The following TTBK1 variants were observed in gnomAD, a reference collection of about 807,000 sequenced individuals.
TTBK1 encodes tau-tubulin kinase 1.
Under a neutral mutation model 108.5 loss-of-function variants are expected in TTBK1, and 34 were observed. The observed-to-expected ratio is 0.31, with a 90% CI of 0.24 to 0.42. TTBK1 has a LOEUF of 0.42. Among genes scored for constraint, TTBK1 ranks in the 10% least tolerant of loss-of-function variants. TTBK1 has a pLI of 1.00. For synonymous variants in TTBK1, 809 were observed against 795.1 expected, an observed-to-expected ratio of 1.02 and a Z score of -0.29; for missense variants, 1,539 against 1,826.0, an observed-to-expected ratio of 0.84 and a Z score of 2.86.
At chr6:43,247,127 G>T (rs1777112588) in intron 2 of TTBK1, among the ~76,000 whole-genome samples, 1 of 151,778 alleles carries the variant, frequency 6.6e-6, no homozygotes, top group African/African-American at 2.4e-5. Flanking sequence ...CTTGGAGAAG[G>T]GCAGTGGACG....
At chr6:43,284,948 C>T (rs749711519) in intron 14 of TTBK1, 35 bp from the exon 15 acceptor site, 6 of 1,497,916 alleles carry the variant, frequency 4.0e-6, no homozygotes, top group Non-Finnish European at 5.3e-6. Flanking sequence ...GTTTCTTTGC[C>T]CTCTTCTTTT....
intron 2 of TTBK1, among the ~76,000 whole-genome samples, chr6:43,250,700 A>G (rs953839752): frequency 6.6e-6 from 1 of 152,128 alleles, no homozygotes; most frequent in African/African-American, 2.4e-5. Context: ...GGGGCAAGGT[A>G]TTGCATTTCC....
Position 43,269,009 on chromosome 6 carries a change from G to T in TTBK1, c.1986+5659G>T, listed in dbSNP as rs1285535990. Among the ~76,000 whole-genome samples the T allele has an allele frequency of 1.3e-5, 2 of 152,222 alleles. No individual in the cohort carries two copies. Among genetic ancestry groups the T allele is most frequent in the African/African-American group, 4.8e-5 (2 of 41,456 alleles). ...CCATTATGACCCCCATTTTACAGAG[G>T]AGGAAGCTGAGGCTCAGAGAGGTGC... On this transcript the variant is annotated intron_variant, in intron 13 of 14. Coordinates refer to ENST00000259750, the MANE Select transcript of TTBK1 (RefSeq NM_032538.3). The surrounding 1 kb of genome is among the most constrained non-coding windows in gnomAD (Gnocchi z 4.8).
Position 43,269,136 on chromosome 6 carries a change from G to A in TTBK1, c.1986+5786G>A, listed in dbSNP as rs957142175. 1.3e-5 allele frequency among the ~76,000 whole-genome samples: 2 copies of A among 152,220 alleles called. No homozygotes were observed. The highest frequency in any genetic ancestry group is 2.9e-5 in the Non-Finnish European group (2 of 68,038). On this transcript the variant is annotated intron_variant, in intron 13 of 14. Coordinates refer to ENST00000259750, the MANE Select transcript of TTBK1 (RefSeq NM_032538.3). The surrounding 1 kb of genome is among the most constrained non-coding windows in gnomAD (Gnocchi z 4.8). ...CCACCTTATGCCGCATGGTCACCCC[G>A]ATCCCAACACCTCCCTGTGATGGGG...
At position 43,253,646 on chromosome 6, in the gene TTBK1, C is replaced by G; in HGVS notation, c.409C>G (p.Gln137Glu). 1 of 1,611,680 alleles carries G rather than the reference C, an allele frequency of 6.2e-7. No individual in the cohort carries two copies. Among genetic ancestry groups the G allele is most frequent in the Non-Finnish European group, 8.5e-7 (1 of 1,179,472 alleles). Residue 137 changes from glutamine (Q) to glutamate (E), a missense_variant, in exon 5 of 15, where the codon CAG becomes GAG. By Grantham distance (29) the Gln-to-Glu change is conservative. Coordinates refer to ENST00000259750, the MANE Select transcript of TTBK1 (RefSeq NM_032538.3). The surrounding 1 kb of genome is among the most constrained non-coding windows in gnomAD (Gnocchi z 5.8). ...GAGCACCACATTGCGGCTGGGCAAG[C>G]AGATCTTGGAGTCCATCGAGGCCAT... The part of the protein sequence containing the change: ...TLSTTLRLGK[Q>E]ILESIEAIHS...
chr6:43,282,285 C>T lies in TTBK1; in HGVS notation c.1987-442C>T, dbSNP rs1427623445. ...AGGAAGTGGCACAGATACTTGCCGC[C>T]GTCTCTGGACCTGGCTTTCTCATCT... On this transcript the variant is annotated intron_variant, in intron 13 of 14. Transcript: ENST00000259750. This position sits in a 1 kb window ranked among gnomAD's most constrained non-coding sequence, Gnocchi z 5.4. 2.6e-5 allele frequency among the ~76,000 whole-genome samples: 4 copies of T among 152,222 alleles called. No homozygotes were observed. The highest frequency in any genetic ancestry group is 9.6e-5 in the African/African-American group (4 of 41,452).
chr6:43,276,053 G>A lies in TTBK1; in HGVS notation c.1987-6674G>A, dbSNP rs1280492747. Among the ~76,000 whole-genome samples the A allele has an allele frequency of 2.0e-5, 3 of 152,114 alleles. No individual in the cohort carries two copies. Among genetic ancestry groups the A allele is most frequent in the African/African-American group, 4.8e-5 (2 of 41,430 alleles). On this transcript the variant is annotated intron_variant, in intron 13 of 14. Transcript: ENST00000259750. This position sits in a 1 kb window ranked among gnomAD's most constrained non-coding sequence, Gnocchi z 5.4. Reference sequence around the variant, plus strand: ...TAAGGAGACGCCTTCTAATTGCGGGGTGGGGGCGGAGTAGGGGAGGGATAG... The same window carrying A: ...TAAGGAGACGCCTTCTAATTGCGGGATGGGGGCGGAGTAGGGGAGGGATAG...
chr6:43,270,946 C>T (rs762962045), intron 13 of TTBK1: 8 of 985,378 alleles, frequency 8.1e-6, no homozygotes, highest in East Asian at 1.1e-4. Context: ...GCCCCAAGGG[C>T]GGTGGTGAAG....
intron 13 of TTBK1, chr6:43,270,348 T>A (rs899529033): frequency 5.0e-5 from 51 of 1,017,294 alleles, no homozygotes; most frequent in Non-Finnish European, 6.0e-5. Context: ...TAATTTGTGA[T>A]CTCTTGGCAT....
rs1341567941 is a variant in TTBK1 at position 43,263,693 on chromosome 6, AAGG to A, written c.1986+344_1986+346del. ...GAGCTGATGGCACACTGCAGCAGAC[AAGG>A]CTGTGAGGTCAGCCCTGGGCCCTGC... is the stretch of plus-strand genomic sequence containing the variant. On this transcript the variant is annotated intron_variant, in intron 13 of 14. Coordinates refer to ENST00000259750, the MANE Select transcript of TTBK1 (RefSeq NM_032538.3). This position sits in a 1 kb window ranked among gnomAD's most constrained non-coding sequence, Gnocchi z 4.7. 6.6e-6 allele frequency among the ~76,000 whole-genome samples: 1 copy of A among 152,188 alleles called. No individual in the cohort carries two copies. Among genetic ancestry groups the A allele is most frequent in the Non-Finnish European group, 1.5e-5 (1 of 68,034 alleles).
chr6:43,256,955 C>G (rs1317913552), intron 9 of TTBK1, among the ~76,000 whole-genome samples: 1 of 152,138 alleles, frequency 6.6e-6, no homozygotes, highest in Non-Finnish European at 1.5e-5. Flanking sequence ...CCCCATGGGA[C>G]CCACTGACCC....
At chr6:43,249,575 T>C (rs1019079680) in intron 2 of TTBK1, among the ~76,000 whole-genome samples, 6 of 152,040 alleles carry the variant, frequency 3.9e-5, no homozygotes, top group Non-Finnish European at 5.9e-5. Flanking sequence ...TGATGATTTT[T>C]TTTTTAATTT....
Position 43,253,253 on chromosome 6 carries a change from AGAGT to A in TTBK1, c.257-37_257-34del, listed in dbSNP as rs1260847181. 1 of 1,608,938 alleles carries A rather than the reference AGAGT, an allele frequency of 6.2e-7. No individual in the cohort carries two copies. The highest frequency in any genetic ancestry group is 8.5e-7 in the Non-Finnish European group (1 of 1,175,510). ...TCTTAGGGTTGGAAATGAGGAAGAA[AGAGT>A]AAGAGCTGGAAGACCTATGTCTGTG... On this transcript the variant is annotated intron_variant, in intron 3 of 14. Transcript: ENST00000259750. The surrounding 1 kb of genome is among the most constrained non-coding windows in gnomAD (Gnocchi z 5.8).
At chr6:43,256,551 C>T (rs1777386592) in intron 9 of TTBK1, among the ~76,000 whole-genome samples, 1 of 152,070 alleles carries the variant, frequency 6.6e-6, no homozygotes, top group African/African-American at 2.4e-5. Context: ...CCAGCCTGGC[C>T]AGCATGGTGA....
rs781508704 is a variant in TTBK1, at chr6:43,282,984, TGAGGAAGAAGAAGAG to T, written c.2253_2267del (p.Glu767_Glu771del). 2 of 1,577,662 alleles carry T rather than the reference TGAGGAAGAAGAAGAG, an allele frequency of 1.3e-6. No individual in the cohort carries two copies. The highest frequency in any genetic ancestry group is 1.8e-5 in the Admixed American group (1 of 56,752). On this transcript the variant is annotated inframe_deletion, in exon 14 of 15. Coordinates refer to ENST00000259750, the MANE Select transcript of TTBK1 (RefSeq NM_032538.3). This position sits in a 1 kb window ranked among gnomAD's most constrained non-coding sequence, Gnocchi z 5.4. ...AAGATGAGGAAGAGGAAGAAGAGGA[TGAGGAAGAAGAAGAG>T]GAGGAAGAGGAAGAGGAGGAGGAAG...
Position 43,283,984 on chromosome 6 carries a change from C to T in TTBK1, c.3244C>T (p.Arg1082Trp), listed in dbSNP as rs765860082. 25 of 1,606,456 alleles carry T rather than the reference C, an allele frequency of 1.6e-5. No individual in the cohort carries two copies. The highest frequency in any genetic ancestry group is 7.8e-5 in the South Asian group (7 of 90,314). Residue 1082 changes from arginine to tryptophan, a missense_variant, in exon 14 of 15, where the codon CGG (arginine) becomes TGG (tryptophan). Coordinates refer to ENST00000259750, the MANE Select transcript of TTBK1 (RefSeq NM_032538.3). The surrounding 1 kb of genome is among the most constrained non-coding windows in gnomAD (Gnocchi z 8.1). ...GTCGGCCAAAGAGCGGTGGAGCAAG[C>T]GGGCTCGGCCGCAGCAGGACCTGGC... ...SLSAKERWSK[R>W]ARPQQDLARL...
intron 13 of TTBK1, chr6:43,270,287 G>A (rs1777793726): frequency 2.7e-6 from 3 of 1,114,436 alleles, no homozygotes; most frequent in South Asian, 3.9e-5. Flanking sequence ...AGGTGTCAGG[G>A]AGATGAGGCC....
chr6:43,274,801 G>C (rs1777920314), intron 13 of TTBK1, among the ~76,000 whole-genome samples: 2 of 152,072 alleles, frequency 1.3e-5, no homozygotes, highest in Non-Finnish European at 2.9e-5. Context: ...ATATCCCTCT[G>C]GTTCCCCACA....
Position 43,269,989 on chromosome 6 carries a change from G to A in TTBK1, c.1986+6639G>A. Reference sequence around the variant, plus strand: ...CCCTCCTGGAGGGGGCAGGTGGGGGGGGGTGGGGAGCAGGCAGAGGACCAT... The same window carrying A: ...CCCTCCTGGAGGGGGCAGGTGGGGGAGGGTGGGGAGCAGGCAGAGGACCAT... On this transcript the variant is annotated intron_variant, in intron 13 of 14. Transcript: ENST00000259750. The surrounding 1 kb of genome is among the most constrained non-coding windows in gnomAD (Gnocchi z 4.8). 1 of 1,429,474 alleles carries A rather than the reference G, an allele frequency of 7.0e-7. No individual in the cohort carries two copies. The allele number at this position is 1,429,474 out of a possible 1,614,324, so 88.5% of individuals were successfully genotyped here.
Sources: gnomAD v4.1 joint callset for allele counts (sites outside exome capture counted in the v4.1 genomes callset) on GRCh38, gnomAD v4.1.1 for gene constraint, Gnocchi (gnomAD v3.1) non-coding constraint, MANE v1.5 for transcripts, NCBI Gene and HGNC (gene_info 2026-07-23, HGNC 2026-07-21) for gene names.